The following CHRNB3 variants were observed in gnomAD, a reference collection of about 807,000 sequenced individuals.
CHRNB3 encodes the protein cholinergic receptor nicotinic beta 3 subunit.
Under a neutral mutation model 40.6 loss-of-function variants are expected in CHRNB3, and 37 were observed. That is an observed-to-expected ratio of 0.91 (90% CI 0.70 to 1.20). CHRNB3 has a LOEUF of 1.20. CHRNB3 is among the 50% of genes most tolerant of loss of function. CHRNB3 has a pLI of 0.00. For synonymous variants in CHRNB3, 207 were observed against 207.1 expected (o/e 1.00, Z 0.00); for missense variants, 505 against 551.2 (o/e 0.92, Z 0.84).
chr8:42,731,509 G>A (rs1346352063), intron 4 of CHRNB3, among the ~76,000 whole-genome samples, 158 bp from the exon 5 acceptor site: 1 of 152,090 alleles, frequency 6.6e-6, no homozygotes, highest in African/African-American at 2.4e-5. Context: ...GAGCCGAGAT[G>A]GCGCCACCGC....
intron 1 of CHRNB3, among the ~76,000 whole-genome samples, chr8:42,701,073 C>T (rs2128904081): frequency 6.6e-6 from 1 of 151,700 alleles, no homozygotes; most frequent in South Asian, 2.1e-4. Flanking sequence ...ACTAAAAACA[C>T]AAAAATTAGC....
At chr8:42,702,704 A>G (rs539444665) in intron 1 of CHRNB3, among the ~76,000 whole-genome samples, 33 of 152,242 alleles carry the variant, frequency 2.2e-4, no homozygotes, top group African/African-American at 7.7e-4. Flanking sequence ...CAGAGGTTGC[A>G]GTGAACCAAG....
chr8:42,712,252 A>G (rs1039810705), intron 3 of CHRNB3, among the ~76,000 whole-genome samples: 1 of 152,076 alleles, frequency 6.6e-6, no homozygotes, highest in Non-Finnish European at 1.5e-5. Flanking sequence ...CTCGGCCTCC[A>G]AAAGTGCTGG....
intron 3 of CHRNB3, among the ~76,000 whole-genome samples, chr8:42,715,925 A>T (rs188025554): frequency 1.3e-5 from 2 of 151,802 alleles, no homozygotes; most frequent in East Asian, 3.9e-4. Flanking sequence ...CATCATATCA[A>T]GGTTAGGAAA....
chr8:42,734,458 C>T lies in CHRNB3; in HGVS notation c.1242+1909C>T, dbSNP rs1351219228. Among the ~76,000 whole-genome samples, 18 of 144,178 alleles carry T rather than the reference C, an allele frequency of 1.2e-4. 1 individual carries two copies. Among genetic ancestry groups the T allele is most frequent in the African/African-American group, 1.3e-4 (5 of 38,630 alleles). 94.6% of individuals were successfully genotyped at this position (144,178 alleles called of 152,430 possible). ...TTTTTGAGATGGAGTCTCGCTCTGTCACCGAGGCTGTAGTGCAATAGCTCG... is the reference window on the plus strand; with the variant it reads ...TTTTTGAGATGGAGTCTCGCTCTGTTACCGAGGCTGTAGTGCAATAGCTCG... On this transcript the variant is annotated intron_variant, in intron 5 of 5. Coordinates refer to ENST00000289957, the MANE Select transcript of CHRNB3 (RefSeq NM_000749.5).
chr8:42,702,030 A>C (rs2128904220), intron 1 of CHRNB3, among the ~76,000 whole-genome samples: 1 of 152,280 alleles, frequency 6.6e-6, no homozygotes, highest in Admixed American at 6.5e-5. Context: ...TTATTAAATA[A>C]ATATTTGTTG....
intron 5 of CHRNB3, among the ~76,000 whole-genome samples, chr8:42,733,112 T>G (rs924028610): frequency 2.0e-5 from 3 of 151,848 alleles, no homozygotes; most frequent in Non-Finnish European, 4.4e-5. Flanking sequence ...GGTGTATCAC[T>G]TGAGTGCAGG....
rs1478525357 is a variant in CHRNB3, at chr8:42,736,837, T to G, written c.*219T>G. The G allele has an allele frequency of 1.7e-6, 1 of 585,386 alleles. No individual in the cohort carries two copies. The highest frequency in any genetic ancestry group is 2.9e-5 in the East Asian group (1 of 33,930). The allele number at this position is 585,386 out of a possible 1,614,324, so 36.3% of individuals were successfully genotyped here. ...AGAAAGTGGAGCCTCCTCAGACCCC[T>G]GCCTTGGCTTTCCCAGACATTCAGG... On this transcript the variant is annotated 3_prime_UTR_variant, in exon 6 of 6. Transcript: ENST00000289957.
Position 42,703,440 on chromosome 8 carries a change from T to TAAAAAAA in CHRNB3, c.53-5277_53-5276insAAAAAAA, listed in dbSNP as rs1554589400. Among the ~76,000 whole-genome samples the TAAAAAAA allele has an allele frequency of 1.4e-3, 114 of 80,712 alleles. 12 individuals are homozygous for TAAAAAAA. Among genetic ancestry groups the TAAAAAAA allele is most frequent in the Middle Eastern group, 7.5e-3 (1 of 134 alleles). 53.0% of individuals were successfully genotyped at this position (80,712 alleles called of 152,430 possible). On this transcript the variant is annotated intron_variant, in intron 1 of 5. Transcript: ENST00000289957. ...CTTCGTCTAAAAAAAAAAAAAATAT[T>TAAAAAAA]TATATATATATATATATATATGTAT...
At chr8:42,710,999 C>T (rs573727886) in intron 3 of CHRNB3, among the ~76,000 whole-genome samples, 1 of 152,258 alleles carries the variant, frequency 6.6e-6, no homozygotes, top group East Asian at 1.9e-4. Flanking sequence ...CATTTTGAAT[C>T]GTTTTCAGCT....
intron 3 of CHRNB3, among the ~76,000 whole-genome samples, chr8:42,719,171 A>C (rs988141528): frequency 1.9e-4 from 29 of 152,314 alleles, no homozygotes; most frequent in African/African-American, 6.7e-4. Context: ...GAGAACAAAG[A>C]AGTGACCAGA....
chr8:42,699,250 C>T (rs1815734189), intron 1 of CHRNB3, among the ~76,000 whole-genome samples: 1 of 152,128 alleles, frequency 6.6e-6, no homozygotes, highest in Non-Finnish European at 1.5e-5. Context: ...CATGGGTTGT[C>T]TCTCATATTG....
intron 1 of CHRNB3, among the ~76,000 whole-genome samples, chr8:42,700,019 CT>C (rs573615558): frequency 9.4e-4 from 132 of 140,700 alleles, no homozygotes; most frequent in South Asian, 9.0e-4. Context: ...AATTTCTTTT[CT>C]TTTTTTTTTT....
chr8:42,736,573 G>A lies in CHRNB3; in HGVS notation c.1332G>A (p.Leu444=), dbSNP rs80066430. ...TAGTGTCAGTAACAGGCTCGGTTCT[G>A]ATTTTTACCCCTGCTTTGAAGATGT... The part of the protein sequence containing the change: ...FLIVSVTGSV[L]IFTPALKMWL... Residue 444 remains leucine, a synonymous_variant, in exon 6 of 6, where the codon CTG becomes CTA. Coordinates refer to ENST00000289957, the MANE Select transcript of CHRNB3 (RefSeq NM_000749.5). 1 of 1,614,154 alleles carries A rather than the reference G, an allele frequency of 6.2e-7. No homozygotes were observed. The highest frequency in any genetic ancestry group is 8.5e-7 in the Non-Finnish European group (1 of 1,180,038).
chr8:42,706,517 T>TG (rs1314587002), intron 1 of CHRNB3, among the ~76,000 whole-genome samples: 3 of 151,920 alleles, frequency 2.0e-5, no homozygotes, highest in Non-Finnish European at 4.4e-5. Context: ...GTGGAGACAG[T>TG]GGGGAACAAT....
Position 42,734,268 on chromosome 8 carries a change from A to G in CHRNB3, c.1242+1719A>G, listed in dbSNP as rs1390443474. On this transcript the variant is annotated intron_variant, in intron 5 of 5. Transcript: ENST00000289957. ...GAGCGAGACTCCATCTCAAAAAAAAAAAAAAAAAAAAAAAAGTGATCTGTT... is the reference window on the plus strand; with the variant it reads ...GAGCGAGACTCCATCTCAAAAAAAAGAAAAAAAAAAAAAAAGTGATCTGTT... Among the ~76,000 whole-genome samples the G allele has an allele frequency of 8.2e-4, 123 of 150,668 alleles. 3 individuals carry two copies. The East Asian group carries it at 0.023, about 28-fold the overall frequency.
At chr8:42,712,245 G>A (rs1400189002) in intron 3 of CHRNB3, among the ~76,000 whole-genome samples, 1 of 151,950 alleles carries the variant, frequency 6.6e-6, no homozygotes, top group East Asian at 1.9e-4. Context: ...TGCTCACCTC[G>A]GCCTCCAAAA....
chr8:42,730,610 A>C lies in CHRNB3; in HGVS notation c.266A>C (p.Lys89Thr). The C allele has an allele frequency of 6.2e-7, 1 of 1,603,866 alleles. No individual in the cohort carries two copies. The highest frequency in any genetic ancestry group is 8.5e-7 in the Non-Finnish European group (1 of 1,173,936). ...VWLKQEWTDH[K>T]LRWNPDDYGG... ...TTCATGCAGGAATGGACAGACCACAAGTTACGCTGGAATCCTGATGATTAT... is the reference window on the plus strand; with the variant it reads ...TTCATGCAGGAATGGACAGACCACACGTTACGCTGGAATCCTGATGATTAT... The change falls in exon 4 of 6, where the codon AAG (lysine) becomes ACG (threonine). Residue 89 changes from lysine (K) to threonine (T), a missense_variant. By Grantham distance (78) the Lys-to-Thr change is moderately conservative. Transcript: ENST00000289957.
rs1382003502 is a variant in CHRNB3 at position 42,736,509 on chromosome 8, C to G, written c.1268C>G (p.Ala423Gly). 1.9e-6 allele frequency: 3 copies of G among 1,614,204 alleles called. No individual in the cohort carries two copies. Among genetic ancestry groups the G allele is most frequent in the Non-Finnish European group, 2.5e-6 (3 of 1,180,038 alleles). ...GTAGTACAAGACTGGAAATTTGTAG[C>G]TCAAGTTCTTGACCGAATCTTCCTG... ...SQVVQDWKFV[A>G]QVLDRIFLWL... Residue 423 changes from alanine (A) to glycine (G), a missense_variant, in exon 6 of 6, where the codon GCT becomes GGT. Physicochemically the swap from Ala to Gly is moderately conservative, Grantham distance 60. Coordinates refer to ENST00000289957, the MANE Select transcript of CHRNB3 (RefSeq NM_000749.5).
Sources: gnomAD v4.1 joint callset for allele counts (sites outside exome capture counted in the v4.1 genomes callset) on GRCh38, gnomAD v4.1.1 for gene constraint, MANE v1.5 for transcripts, NCBI Gene and HGNC (gene_info 2026-07-23, HGNC 2026-07-21) for gene names.